CECR2: variants seen among roughly 807,000 people sequenced by gnomAD.
CECR2 encodes CECR2 histone acetyl-lysine reader.
In CECR2, 30 loss-of-function variants were observed where a neutral mutation model predicts 154.5. The observed-to-expected ratio is 0.19, with a 90% confidence interval of 0.15 to 0.26. CECR2 has a LOEUF of 0.26. CECR2 is among the 10% of genes least tolerant of loss of function. The pLI, the probability that CECR2 is intolerant of heterozygous loss-of-function variation, is 1.00. For synonymous variants in CECR2, 725 were observed against 683.7 expected (o/e 1.06, Z -0.94); for missense variants, 1,743 against 1,829.3 (o/e 0.95, Z 0.86).
intron 1 of CECR2, among the ~76,000 whole-genome samples, chr22:17,387,230 A>G (rs1177170322): frequency 6.6e-6 from 1 of 152,234 alleles, no homozygotes; most frequent in Non-Finnish European, 1.5e-5. Flanking sequence ...CTGGTTCTAC[A>G]GAAATTTTCA....
rs71200271 is a variant in CECR2, at chr22:17,394,197, C to CTTTTTTTTTTTTTTTTTTTT, written c.126+24295_126+24314dup. Among the ~76,000 whole-genome samples the CTTTTTTTTTTTTTTTTTTTT allele has an allele frequency of 9.3e-5, 9 of 97,088 alleles. 4 individuals are homozygous for CTTTTTTTTTTTTTTTTTTTT. The highest frequency in any genetic ancestry group is 1.7e-4 in the African/African-American group (4 of 23,876). 63.7% of individuals were successfully genotyped at this position (97,088 alleles called of 152,430 possible). The stretch of plus-strand genomic sequence containing the variant: ...CCACCGCGCCCAGCTGCTGCCGCTG[C>CTTTTTTTTTTTTTTTTTTTT]TTTTTTTTTTTTTTTTTTTTTTTTT... On this transcript the variant is annotated intron_variant, in intron 1 of 18. Transcript: ENST00000262608.
At chr22:17,436,655 G>A (rs2054511118) in intron 1 of CECR2, among the ~76,000 whole-genome samples, 4 of 152,206 alleles carry the variant, frequency 2.6e-5, no homozygotes, top group South Asian at 2.1e-4. Context: ...TCACCAGTAA[G>A]TTCTCCCCAG....
Position 17,552,963 on chromosome 22 carries a change from C to T in CECR2, c.*123C>T. On this transcript the variant is annotated 3_prime_UTR_variant, in exon 19 of 19. Coordinates refer to ENST00000262608, the MANE Select transcript of CECR2 (RefSeq NM_001290047.2). ...TGCTCCACCCCTTCACGGCGACCCACTCGTGCCATACTTGAGCTGGAGCCA... is the reference window on the plus strand; with the variant it reads ...TGCTCCACCCCTTCACGGCGACCCATTCGTGCCATACTTGAGCTGGAGCCA... The T allele has an allele frequency of 6.7e-7, 1 of 1,500,638 alleles. No homozygotes were observed. The highest frequency in any genetic ancestry group is 2.5e-5 in the East Asian group (1 of 40,406). The allele number at this position is 1,500,638 out of a possible 1,614,324, so 93.0% of individuals were successfully genotyped here.
chr22:17,360,629 A>T (rs1286326208), intron 1 of CECR2, among the ~76,000 whole-genome samples: 1 of 151,842 alleles, frequency 6.6e-6, no homozygotes, highest in Non-Finnish European at 1.5e-5. Flanking sequence ...GTGAACCAAG[A>T]TTGTGCCATT....
chr22:17,468,323 C>T lies in CECR2; in HGVS notation c.127-9265C>T, dbSNP rs116963132. Among the ~76,000 whole-genome samples the T allele has an allele frequency of 7.6e-3, 1,163 of 152,220 alleles. 58 individuals carry two copies. The East Asian group carries it at 0.16, about 21-fold the overall frequency. On this transcript the variant is annotated intron_variant, in intron 1 of 18. Transcript: ENST00000262608. Reference sequence around the variant, plus strand: ...CCCCTCATTTCTGTGTAATCTGTGTCTTGCTCTGTTGTGATTGTGTTCAAG... The same window carrying T: ...CCCCTCATTTCTGTGTAATCTGTGTTTTGCTCTGTTGTGATTGTGTTCAAG...
intron 1 of CECR2, among the ~76,000 whole-genome samples, chr22:17,452,032 G>A (rs1458453312): frequency 2.0e-5 from 3 of 152,246 alleles, no homozygotes; most frequent in Admixed American, 1.3e-4. Context: ...ACGTCAGATC[G>A]CTTAGGACCT....
At chr22:17,442,811 T>C (rs751827290) in intron 1 of CECR2, among the ~76,000 whole-genome samples, 7 of 152,088 alleles carry the variant, frequency 4.6e-5, no homozygotes, top group Non-Finnish European at 8.8e-5. Flanking sequence ...CCTCCCAAAG[T>C]GCTGGGATTA....
intron 1 of CECR2, among the ~76,000 whole-genome samples, chr22:17,454,421 C>G (rs996562902): frequency 6.6e-6 from 1 of 151,182 alleles, no homozygotes; most frequent in Non-Finnish European, 1.5e-5. Flanking sequence ...CTGGCTAACA[C>G]AGTGAAACCC....
chr22:17,426,854 G>A (rs1457647358), intron 1 of CECR2, among the ~76,000 whole-genome samples: 1 of 151,950 alleles, frequency 6.6e-6, no homozygotes, highest in Non-Finnish European at 1.5e-5. Flanking sequence ...GATTTATGTT[G>A]GGGGAACACA....
In CECR2 at chr22:17,554,168, G is replaced by A. The variant is rs994093204; in HGVS notation, c.*1328G>A. On this transcript the variant is annotated 3_prime_UTR_variant, in exon 19 of 19. Coordinates refer to ENST00000262608, the MANE Select transcript of CECR2 (RefSeq NM_001290047.2). The stretch of plus-strand genomic sequence containing the variant: ...GTTGAATTACACTGGATTCTCCCTC[G>A]TTAGCATTCTGTATTTGATTTTAGC... 2.6e-5 allele frequency: 4 copies of A among 152,050 alleles called. No individual in the cohort carries two copies. Among genetic ancestry groups the A allele is most frequent in the Non-Finnish European group, 4.4e-5 (3 of 68,006 alleles). The allele number at this position is 152,050 out of a possible 1,614,324, so 9.4% of individuals were successfully genotyped here. A position where few individuals can be genotyped will look rare whatever the true frequency, so the allele number is the denominator to read the frequency against.
chr22:17,431,983 T>C (rs889454518), intron 1 of CECR2, among the ~76,000 whole-genome samples: 3 of 152,222 alleles, frequency 2.0e-5, no homozygotes, highest in Admixed American at 1.3e-4. Flanking sequence ...GCTTTGTGCC[T>C]GTATGGATTT....
intron 1 of CECR2, among the ~76,000 whole-genome samples, chr22:17,364,342 CAAAAAAA>C (rs59134897): frequency 1.9e-5 from 1 of 52,946 alleles, no homozygotes; most frequent in Admixed American, 2.5e-4. Flanking sequence ...GACTCTGTCT[CAAAAAAA>C]AAAAAAAAAA....
upstream of CECR2, among the ~76,000 whole-genome samples, chr22:17,366,344 C>T (rs1453904878): frequency 6.6e-6 from 1 of 152,132 alleles, no homozygotes; most frequent in African/African-American, 2.4e-5. Context: ...CGTGCCACCA[C>T]GCCCAGCTAA....
chr22:17,373,596 G>C (rs1235996744), intron 1 of CECR2, among the ~76,000 whole-genome samples: 2 of 152,104 alleles, frequency 1.3e-5, no homozygotes, highest in African/African-American at 4.8e-5. Context: ...AGATGTTTTT[G>C]CTTTTCAGAT....
chr22:17,523,840 T>C (rs2056203580), intron 8 of CECR2, among the ~76,000 whole-genome samples: 1 of 152,124 alleles, frequency 6.6e-6, no homozygotes. Context: ...CTGCCCCAGT[T>C]TCTCTTCTCT....
intron 8 of CECR2, among the ~76,000 whole-genome samples, chr22:17,521,413 G>A (rs986297801): frequency 7.2e-5 from 11 of 151,956 alleles, no homozygotes; most frequent in African/African-American, 2.2e-4. Context: ...GGTGGCGGGC[G>A]CCTGTAGTCC....
chr22:17,499,697 T>A (rs746406355), intron 4 of CECR2, 148 bp downstream of exon 4: 13 of 793,362 alleles, frequency 1.6e-5, no homozygotes, highest in Non-Finnish European at 2.3e-5. Flanking sequence ...AGATACTTCA[T>A]GCAAAAACAA....
chr22:17,525,235 A>C (rs542448480), intron 9 of CECR2, among the ~76,000 whole-genome samples: 174 of 135,696 alleles, frequency 1.3e-3, no homozygotes, highest in African/African-American at 4.4e-3. Flanking sequence ...CGGTGAGCCA[A>C]GATCGTGCCA....
At chr22:17,528,504 G>A (rs1474868765) in intron 9 of CECR2, among the ~76,000 whole-genome samples, 1 of 152,062 alleles carries the variant, frequency 6.6e-6, no homozygotes, top group African/African-American at 2.4e-5. Context: ...TGATAGCACA[G>A]CAGAGAAGTA....
Sources: gnomAD v4.1 joint callset for allele counts (sites outside exome capture counted in the v4.1 genomes callset) on GRCh38, gnomAD v4.1.1 for gene constraint, MANE v1.5 for transcripts, NCBI Gene and HGNC (gene_info 2026-07-23, HGNC 2026-07-21) for gene names.